The following ARHGAP39 variants were observed in gnomAD, a reference collection of about 807,000 sequenced individuals.
The protein encoded by ARHGAP39 is Rho GTPase activating protein 39.
A neutral mutation model predicts 106.9 loss-of-function variants in ARHGAP39; 44 were observed. The observed-to-expected ratio is 0.41, with a 90% confidence interval of 0.32 to 0.53. The LOEUF (loss-of-function observed/expected upper bound fraction) is 0.53, where lower values mean the gene tolerates loss of function less well. ARHGAP39 is among the 20% of genes least tolerant of loss of function. ARHGAP39 has a pLI of 0.21. For missense variants in ARHGAP39, 1,496 were observed against 1,577.3 expected, an observed-to-expected ratio of 0.95 and a Z score of 0.87; for synonymous variants, 768 against 693.2, an observed-to-expected ratio of 1.11 and a Z score of -1.69.
chr8:144,576,136 C>A (rs1012214280), intron 3 of ARHGAP39, among the ~76,000 whole-genome samples: 2 of 151,938 alleles, frequency 1.3e-5, no homozygotes, highest in Admixed American at 6.6e-5. Context: ...TCGAGACCAG[C>A]CCAGCCACCA....
intron 1 of ARHGAP39, among the ~76,000 whole-genome samples, chr8:144,669,687 G>A (rs1319662563): frequency 1.3e-5 from 2 of 152,098 alleles, no homozygotes; most frequent in Non-Finnish European, 2.9e-5. Context: ...AGGATAAGTA[G>A]CCCATTTGAA....
At position 144,548,503 on chromosome 8, in the gene ARHGAP39, G is replaced by T; in HGVS notation, c.597-14C>A. 6.2e-7 allele frequency: 1 copy of T among 1,603,434 alleles called. No homozygotes were observed. The highest frequency in any genetic ancestry group is 1.1e-5 in the South Asian group (1 of 90,306). ...AGCGAGGAGGTCCTGCGTGGGGGGT[G>T]GACGGGCACAGGTGACTGCCTGCCT... On this transcript the variant is annotated splice_polypyrimidine_tract_variant and intron_variant, in intron 4 of 11. Coordinates refer to ENST00000377307, the MANE Select transcript of ARHGAP39 (RefSeq NM_025251.3). The surrounding 1 kb of genome is among the most constrained non-coding windows in gnomAD (Gnocchi z 7.4).
At chr8:144,563,442 A>G (rs1413083246) in intron 3 of ARHGAP39, among the ~76,000 whole-genome samples, 1 of 152,154 alleles carries the variant, frequency 6.6e-6, no homozygotes, top group South Asian at 2.1e-4. Flanking sequence ...GGCCAAGACT[A>G]AAAGTCTCTG....
At chr8:144,608,895 G>C (rs1006259519) in intron 1 of ARHGAP39, among the ~76,000 whole-genome samples, 1 of 152,052 alleles carries the variant, frequency 6.6e-6, no homozygotes, top group Non-Finnish European at 1.5e-5. Flanking sequence ...AATGTTATTT[G>C]TTTTTACAAT....
intron 1 of ARHGAP39, among the ~76,000 whole-genome samples, chr8:144,606,997 CAAAA>C (rs76285024): frequency 1.4e-5 from 1 of 69,062 alleles, no homozygotes; most frequent in East Asian, 3.3e-4. Context: ...AACTATTAAG[CAAAA>C]AAAAAAAAAA....
chr8:144,650,214 C>G (rs1404584593), intron 1 of ARHGAP39, among the ~76,000 whole-genome samples: 1 of 152,024 alleles, frequency 6.6e-6, no homozygotes, highest in Non-Finnish European at 1.5e-5. Flanking sequence ...GAAACTGATT[C>G]CCTAAACAGA....
chr8:144,607,790 C>T (rs1181654284), intron 1 of ARHGAP39, among the ~76,000 whole-genome samples: 4 of 152,296 alleles, frequency 2.6e-5, no homozygotes, highest in South Asian at 2.1e-4. Context: ...AGAGGAAACG[C>T]GCTTTCCGCC....
rs1186489482 is a variant in ARHGAP39 at position 144,574,063 on chromosome 8, C to T, written c.512+6783G>A. On this transcript the variant is annotated intron_variant, in intron 3 of 11. Transcript: ENST00000377307. Reference sequence around the variant, plus strand: ...TGGCGCCCCCCTGTAATCCCAGCTACTCAGGAGGCTGATGCACGAGAATTG... The same window carrying T: ...TGGCGCCCCCCTGTAATCCCAGCTATTCAGGAGGCTGATGCACGAGAATTG... 1.0e-4 allele frequency among the ~76,000 whole-genome samples: 15 copies of T among 149,312 alleles called. No homozygotes were observed. In the South Asian group the frequency reaches 2.8e-3, roughly 27 times the overall value.
chr8:144,596,726 C>T (rs993051619), intron 2 of ARHGAP39, among the ~76,000 whole-genome samples: 3 of 152,170 alleles, frequency 2.0e-5, no homozygotes, highest in Non-Finnish European at 2.9e-5. Context: ...CGCGCACTGC[C>T]GGGGTCCTCG....
intron 1 of ARHGAP39, among the ~76,000 whole-genome samples, chr8:144,663,627 C>T (rs1011281011): frequency 6.6e-6 from 1 of 152,182 alleles, no homozygotes; most frequent in Non-Finnish European, 1.5e-5. Context: ...GGAGGCTCCA[C>T]GCTCAGCCCC....
intron 1 of ARHGAP39, among the ~76,000 whole-genome samples, chr8:144,678,735 T>C (rs560514657): frequency 1.3e-5 from 2 of 152,310 alleles, no homozygotes; most frequent in African/African-American, 4.8e-5. Context: ...CATCCCCTCC[T>C]AGTTGGGACA....
At chr8:144,554,618 A>G (rs914524622) in intron 4 of ARHGAP39, among the ~76,000 whole-genome samples, 8 of 152,182 alleles carry the variant, frequency 5.3e-5, no homozygotes, top group African/African-American at 1.7e-4. Context: ...GATCTGCCAC[A>G]GTGGGGGTGG....
intron 1 of ARHGAP39, among the ~76,000 whole-genome samples, chr8:144,673,389 T>C (rs1822151027): frequency 6.6e-6 from 1 of 152,230 alleles, no homozygotes; most frequent in South Asian, 2.1e-4. Flanking sequence ...AACAGCTTCA[T>C]TGAGATAGAA....
chr8:144,607,235 CAAAAAAAA>C (rs1167793437), intron 1 of ARHGAP39, among the ~76,000 whole-genome samples: 1 of 50,706 alleles, frequency 2.0e-5, no homozygotes, highest in East Asian at 6.9e-4. Flanking sequence ...GACATTGTCT[CAAAAAAAA>C]AAAAAAAAAA....
chr8:144,666,628 C>G (rs963082209), intron 1 of ARHGAP39, among the ~76,000 whole-genome samples: 4 of 152,194 alleles, frequency 2.6e-5, no homozygotes, highest in Admixed American at 6.5e-5. Flanking sequence ...CTCATTTTCT[C>G]TTGCTGCCGC....
At position 144,562,509 on chromosome 8, in the gene ARHGAP39, C is replaced by CCAGTGGTTTCCATCGG. The variant is rs1818228707; in HGVS notation, c.513-6867_513-6866insCCGATGGAAACCACTG. 9.9e-5 allele frequency among the ~76,000 whole-genome samples: 13 copies of CCAGTGGTTTCCATCGG among 131,070 alleles called. 3 individuals are homozygous for CCAGTGGTTTCCATCGG. Among genetic ancestry groups the CCAGTGGTTTCCATCGG allele is most frequent in the African/African-American group, 4.7e-4 (12 of 25,668 alleles). The allele number at this position is 131,070 out of a possible 152,430, so 86.0% of individuals were successfully genotyped here. A position where few individuals can be genotyped will look rare whatever the true frequency, so the allele number is the denominator to read the frequency against. Reference sequence around the variant, plus strand: ...GCACTCCAGTGGTTTCCATCGGACTCACTCCAGTGGTTTCCATCGGACTCC... The same window carrying CCAGTGGTTTCCATCGG: ...GCACTCCAGTGGTTTCCATCGGACTCCAGTGGTTTCCATCGGACTCCAGTGGTTTCCATCGGACTCC... On this transcript the variant is annotated intron_variant, in intron 3 of 11. Transcript: ENST00000377307.
At chr8:144,620,036 G>A (rs1820754644) in intron 1 of ARHGAP39, among the ~76,000 whole-genome samples, 1 of 147,486 alleles carries the variant, frequency 6.8e-6, no homozygotes, top group South Asian at 2.2e-4. Context: ...GTGTGCCGGT[G>A]TTTGTGTGCC....
intron 1 of ARHGAP39, among the ~76,000 whole-genome samples, chr8:144,677,383 T>A (rs1359293838): frequency 6.6e-6 from 1 of 152,210 alleles, no homozygotes; most frequent in East Asian, 1.9e-4. Flanking sequence ...GAGAAATAAA[T>A]GACCAAAGGA....
chr8:144,619,277 C>T (rs1214994991), intron 1 of ARHGAP39, among the ~76,000 whole-genome samples: 2 of 152,266 alleles, frequency 1.3e-5, no homozygotes, highest in African/African-American at 4.8e-5. Context: ...GCGACGCCCG[C>T]CATAGACCAG....
Sources: gnomAD v4.1 joint callset for allele counts (sites outside exome capture counted in the v4.1 genomes callset) on GRCh38, gnomAD v4.1.1 for gene constraint, Gnocchi (gnomAD v3.1) non-coding constraint, MANE v1.5 for transcripts, NCBI Gene and HGNC (gene_info 2026-07-23, HGNC 2026-07-21) for gene names.